WASF2: variants seen among roughly 807,000 people sequenced by gnomAD.
WASF2 encodes the protein actin-binding protein WASF2.
Under a neutral mutation model 45.0 loss-of-function variants are expected in WASF2, and 14 were observed. The ratio of observed to expected loss-of-function variants is 0.31; its 90% CI spans 0.21 to 0.49. The LOEUF (loss-of-function observed/expected upper bound fraction) is 0.49, where lower values mean the gene tolerates loss of function less well. Among genes scored for constraint, WASF2 ranks in the 20% least tolerant of loss-of-function variants. The pLI is 0.99. For missense variants in WASF2, 439 were observed against 636.1 expected (o/e 0.69, Z 3.33); for synonymous variants, 200 against 236.3 (o/e 0.85, Z 1.41).
intron 1 of WASF2, among the ~76,000 whole-genome samples, chr1:27,489,479 C>T (rs1231553133): frequency 6.7e-6 from 1 of 148,756 alleles, no homozygotes; most frequent in Non-Finnish European, 1.5e-5. Flanking sequence ...CACACACACA[C>T]ACAGTGTCCT....
chr1:27,465,738 C>A (rs1010043381), intron 1 of WASF2, among the ~76,000 whole-genome samples: 1 of 152,230 alleles, frequency 6.6e-6, no homozygotes, highest in Non-Finnish European at 1.5e-5. Context: ...CACTCAACTT[C>A]TCTTGCCTTC....
chr1:27,434,292 C>G (rs980488431), intron 1 of WASF2, among the ~76,000 whole-genome samples: 1 of 152,172 alleles, frequency 6.6e-6, no homozygotes, highest in African/African-American at 2.4e-5. Flanking sequence ...CTCTACAATG[C>G]CTTCTAAATC....
At chr1:27,467,576 C>G (rs2017632163) in intron 1 of WASF2, among the ~76,000 whole-genome samples, 1 of 150,768 alleles carries the variant, frequency 6.6e-6, no homozygotes, top group South Asian at 2.1e-4. Flanking sequence ...GCTGGGATTA[C>G]AGGCGTGAGC....
chr1:27,424,505 CAA>C (rs1376179474), intron 2 of WASF2, among the ~76,000 whole-genome samples: 3 of 150,476 alleles, frequency 2.0e-5, no homozygotes, highest in Non-Finnish European at 1.5e-5. Context: ...CAAGAACAAA[CAA>C]TACATGATTT....
intron 1 of WASF2, chr1:27,457,068 G>A (rs1231077988): frequency 1.3e-5 from 2 of 151,748 alleles, no homozygotes; most frequent in Non-Finnish European, 2.9e-5. Context: ...TAGAGATGGG[G>A]TGTTTCACCA....
chr1:27,460,424 A>T (rs925986862), intron 1 of WASF2, among the ~76,000 whole-genome samples: 1 of 152,218 alleles, frequency 6.6e-6, no homozygotes, highest in African/African-American at 2.4e-5. Flanking sequence ...GTATTATGTA[A>T]ATAAGAATCC....
chr1:27,428,774 C>T lies in WASF2; in HGVS notation c.117G>A (p.Gln39=). ...TGAGGCACTCACTCAGGCTGCCCAG[C>T]TGTCGGATGACATTTGCCAGGGTGA... ...TNITLANVIR[Q]LGSLSKYAED... The change falls in exon 2 of 9, where the codon CAG becomes CAA. Residue 39 remains glutamine (Q), a synonymous_variant. Transcript: ENST00000618852. The T allele has an allele frequency of 6.2e-7, 1 of 1,614,180 alleles. No individual in the cohort carries two copies. Among genetic ancestry groups the T allele is most frequent in the Middle Eastern group, 1.6e-4 (1 of 6,062 alleles).
At chr1:27,487,261 CG>C (rs1050787014) in intron 1 of WASF2, among the ~76,000 whole-genome samples, 1 of 145,504 alleles carries the variant, frequency 6.9e-6, no homozygotes, top group Non-Finnish European at 1.5e-5. Context: ...CCACCACGCC[CG>C]GCTACTTTTT....
At chr1:27,458,270 G>A (rs112619701) in intron 1 of WASF2, among the ~76,000 whole-genome samples, 4 of 135,648 alleles carry the variant, frequency 2.9e-5, no homozygotes, top group Non-Finnish European at 3.0e-5. Context: ...CCAAGATCGC[G>A]TCACTGCCCT....
chr1:27,461,912 T>C (rs2017550707), intron 1 of WASF2, among the ~76,000 whole-genome samples: 3 of 152,062 alleles, frequency 2.0e-5, no homozygotes, highest in Middle Eastern at 3.2e-3. Context: ...TCCTCCCACC[T>C]TGGCCTCCCA....
intron 1 of WASF2, among the ~76,000 whole-genome samples, chr1:27,437,788 G>T (rs1457114995): frequency 6.6e-6 from 1 of 152,018 alleles, no homozygotes; most frequent in Non-Finnish European, 1.5e-5. Context: ...CTCCTAATAA[G>T]GTATCAGATT....
chr1:27,442,552 A>G (rs1458833334), intron 1 of WASF2, among the ~76,000 whole-genome samples: 2 of 151,318 alleles, frequency 1.3e-5, no homozygotes, highest in African/African-American at 4.9e-5. Flanking sequence ...CAAAAAAATT[A>G]AAGTTAAAAT....
intron 1 of WASF2, among the ~76,000 whole-genome samples, chr1:27,473,915 C>G (rs952130820): frequency 6.6e-6 from 1 of 152,224 alleles, no homozygotes; most frequent in Non-Finnish European, 1.5e-5. Flanking sequence ...ATCAATCACA[C>G]ACGCACCCAC....
intron 1 of WASF2, among the ~76,000 whole-genome samples, chr1:27,483,715 A>T (rs1268853793): frequency 2.0e-5 from 3 of 151,800 alleles, no homozygotes; most frequent in African/African-American, 7.3e-5. Flanking sequence ...TCAGCACTTT[A>T]GGGGGCCAAG....
chr1:27,480,620 T>C (rs1056677469), intron 1 of WASF2, among the ~76,000 whole-genome samples: 1 of 143,470 alleles, frequency 7.0e-6, no homozygotes, highest in Non-Finnish European at 1.6e-5. Flanking sequence ...GGAGAGGAGG[T>C]TTCAAATCAA....
chr1:27,477,907 AAAAT>A (rs1182942868), intron 1 of WASF2, among the ~76,000 whole-genome samples: 2 of 146,262 alleles, frequency 1.4e-5, no homozygotes, highest in Non-Finnish European at 3.0e-5. Flanking sequence ...TCAAAAAAAA[AAAAT>A]AAATAAATAA....
Position 27,405,279 on chromosome 1 carries a change from C to G in WASF2, c.*2910G>C, listed in dbSNP as rs2016651455. On this transcript the variant is annotated 3_prime_UTR_variant, in exon 9 of 9. Transcript: ENST00000618852. ...CTCCAAGGGCTGGCTGAGCCTGCCC[C>G]CTCCCCCAGGCTGCTCCTTTGGAAT... 1 of 152,308 alleles carries G rather than the reference C, an allele frequency of 6.6e-6. No homozygotes were observed. Among genetic ancestry groups the G allele is most frequent in the South Asian group, 2.1e-4 (1 of 4,834 alleles). The allele number at this position is 152,308 out of a possible 1,614,324, so 9.4% of individuals were successfully genotyped here. A position where few individuals can be genotyped will look rare whatever the true frequency, so the allele number is the denominator to read the frequency against.
chr1:27,487,682 A>AAT (rs1276307125), intron 1 of WASF2, among the ~76,000 whole-genome samples: 4 of 110,330 alleles, frequency 3.6e-5, no homozygotes, highest in African/African-American at 1.1e-4. Flanking sequence ...TATTTTATAT[A>AAT]ATATATAATA....
At chr1:27,477,910 A>T (rs545574700) in intron 1 of WASF2, among the ~76,000 whole-genome samples, 2,647 of 101,806 alleles carry the variant, frequency 0.026, 623 homozygotes, top group African/African-American at 0.13. Flanking sequence ...AAAAAAAAAA[A>T]TAAATAAATA....
Sources: gnomAD v4.1 joint callset for allele counts (sites outside exome capture counted in the v4.1 genomes callset) on GRCh38, gnomAD v4.1.1 for gene constraint, MANE v1.5 for transcripts, NCBI Gene and HGNC (gene_info 2026-07-23, HGNC 2026-07-21) for gene names.